HK1: variants seen among roughly 807,000 people sequenced by gnomAD.
HK1 encodes hexokinase-1.
HK1 carries 28 observed loss-of-function variants against 91.6 expected under a neutral mutation model. The observed-to-expected ratio is 0.31, with a 90% CI of 0.23 to 0.42. The LOEUF is 0.42. Among genes scored for constraint, HK1 ranks in the 10% least tolerant of loss-of-function variants. The pLI is 1.00. For synonymous variants in HK1, 430 were observed against 468.1 expected (o/e 0.92, Z 1.05); for missense variants, 770 against 1,219.8 (o/e 0.63, Z 5.49).
At chr10:69,348,358 C>A (rs1263960489) in intron 2 of HK1, among the ~76,000 whole-genome samples, 1 of 152,216 alleles carries the variant, frequency 6.6e-6, no homozygotes, top group Non-Finnish European at 1.5e-5. Flanking sequence ...TCTCTTCTTG[C>A]AGCATTTGGG....
At chr10:69,283,798 C>CAAAAAAAAAAAAAAAA (rs571297748) in intron 2 of HK1, among the ~76,000 whole-genome samples, 25 of 67,398 alleles carry the variant, frequency 3.7e-4, no homozygotes, top group Non-Finnish European at 5.3e-4. Flanking sequence ...GACTCTGTCT[C>CAAAAAAAAAAAAAAAA]AAAAAAAAAA....
chr10:69,329,456 CG>C (rs1475269776), intron 1 of HK1, among the ~76,000 whole-genome samples: 8 of 152,114 alleles, frequency 5.3e-5, no homozygotes, highest in Non-Finnish European at 1.0e-4. Context: ...CCACCGCGCC[CG>C]GCCAGACATG....
chr10:69,296,583 T>A (rs1406502614), intron 4 of HK1, among the ~76,000 whole-genome samples: 1 of 151,690 alleles, frequency 6.6e-6, no homozygotes, highest in Non-Finnish European at 1.5e-5. Flanking sequence ...GGTGAGGGAG[T>A]GGTCAACCCC....
At chr10:69,288,856 G>C (rs947239517) in intron 3 of HK1, 2 of 1,136,396 alleles carry the variant, frequency 1.8e-6, no homozygotes, top group Non-Finnish European at 2.6e-6. Flanking sequence ...GCGCGATCTC[G>C]GCTCACTATA....
At chr10:69,303,920 G>C (rs1305752075) in intron 5 of HK1, among the ~76,000 whole-genome samples, 1 of 152,190 alleles carries the variant, frequency 6.6e-6, no homozygotes, top group African/African-American at 2.4e-5. Flanking sequence ...CTGATTGGTT[G>C]GGTCAGAGAT....
At position 69,380,146 on chromosome 10, in the gene HK1, G is replaced by A. The variant is rs1466210032; in HGVS notation, c.1265+51G>A. The A allele has an allele frequency of 6.9e-7, 1 of 1,447,106 alleles. No homozygotes were observed. The highest frequency in any genetic ancestry group is 9.7e-7 in the Non-Finnish European group (1 of 1,028,688). 89.6% of individuals were successfully genotyped at this position (1,447,106 alleles called of 1,614,324 possible). A position where few individuals can be genotyped will look rare whatever the true frequency, so the allele number is the denominator to read the frequency against. On this transcript the variant is annotated intron_variant, in intron 9 of 17. Transcript: ENST00000359426. This position sits in a 1 kb window ranked among gnomAD's most constrained non-coding sequence, Gnocchi z 4.0. ...GCACTCTGTACCCATTGTGGGTAGG[G>A]ACCTTCTCCAGAGATCAGACTTTTG...
At chr10:69,373,310 TG>T (rs1850114253) in intron 7 of HK1, among the ~76,000 whole-genome samples, 1 of 152,220 alleles carries the variant, frequency 6.6e-6, no homozygotes, top group African/African-American at 2.4e-5. Flanking sequence ...CTGTATACAG[TG>T]GACAGGGAGG....
intron 2 of HK1, among the ~76,000 whole-genome samples, chr10:69,353,618 CAAA>C (rs71471542): frequency 0.46 from 53,177 of 116,668 alleles, 10,237 homozygotes; most frequent in South Asian, 0.55. Context: ...CAAACAAAAC[CAAA>C]AAAAAAAAAA....
In HK1 at chr10:69,362,029, C is replaced by T. The variant is rs1266162442; in HGVS notation, c.375+1984C>T. ...ATGGGGTTTCTCCATGTTGGTCAGG[C>T]TGGTCTGGAACTGCCTGTTCAGGTG... On this transcript the variant is annotated intron_variant, in intron 3 of 17. Coordinates refer to ENST00000359426, the MANE Select transcript of HK1 (RefSeq NM_000188.3). 2.6e-5 allele frequency among the ~76,000 whole-genome samples: 4 copies of T among 152,174 alleles called. No individual in the cohort carries two copies. In the South Asian group the frequency reaches 8.3e-4, roughly 32 times the overall value.
chr10:69,395,012 TC>T lies in HK1; in HGVS notation c.2283del (p.Phe761LeufsTer16). 6.2e-7 allele frequency: 1 copy of T among 1,613,986 alleles called. No homozygotes were observed. The highest frequency in any genetic ancestry group is 8.5e-7 in the Non-Finnish European group (1 of 1,179,962). Reference protein sequence around the residue: ...GEIVRNILIDFTKKGFLFRGQ... With the variant: ...GEIVRNILIDXTKKGFLFRGQ... Reference sequence around the variant, plus strand: ...ATCGTCCGCAACATCTTAATCGACTTCACCAAGAAGGGATTCCTCTTCCGAG... The same window carrying T: ...ATCGTCCGCAACATCTTAATCGACTTACCAAGAAGGGATTCCTCTTCCGAG... On this transcript the variant is annotated frameshift_variant, in exon 16 of 18. Transcript: ENST00000359426. LOFTEE classifies it high-confidence loss of function.
rs1245637383 is a variant in HK1 at position 69,322,830 on chromosome 10, C to T, written c.63+3820C>T. On this transcript the variant is annotated intron_variant, in intron 1 of 17. Coordinates refer to ENST00000359426, the MANE Select transcript of HK1 (RefSeq NM_000188.3). ...ACTTGAACCTGGAAGGCAGAGGTTGCGGTGAGCCGAGATCACGCCATTGCA... is the reference window on the plus strand; with the variant it reads ...ACTTGAACCTGGAAGGCAGAGGTTGTGGTGAGCCGAGATCACGCCATTGCA... Among the ~76,000 whole-genome samples, 17 of 149,910 alleles carry T rather than the reference C, an allele frequency of 1.1e-4. No individual in the cohort carries two copies. The East Asian group carries it at 2.0e-3, about 17-fold the overall frequency.
intron 1 of HK1, chr10:69,338,293 G>C: frequency 8.5e-7 from 1 of 1,179,154 alleles, no homozygotes. Context: ...CCTGGAGGCT[G>C]GATGCGGGTT....
chr10:69,296,595 T>C (rs1411435267), intron 4 of HK1, among the ~76,000 whole-genome samples: 1 of 152,094 alleles, frequency 6.6e-6, no homozygotes, highest in Admixed American at 6.6e-5. Context: ...GTCAACCCCG[T>C]CTTGGGTCCA....
At chr10:69,327,164 T>A (rs1027692944) in intron 1 of HK1, among the ~76,000 whole-genome samples, 1 of 152,012 alleles carries the variant, frequency 6.6e-6, no homozygotes. Context: ...AATTTTTTTG[T>A]ATTTTTAGTA....
At chr10:69,312,496 C>T (rs1303845351), upstream of HK1, among the ~76,000 whole-genome samples, 1 of 151,910 alleles carries the variant, frequency 6.6e-6, no homozygotes, top group African/African-American at 2.4e-5. Context: ...GCCTCGGCCT[C>T]CCAAAGTGCT....
At chr10:69,317,175 G>A (rs894915152), upstream of HK1, among the ~76,000 whole-genome samples, 1 of 152,168 alleles carries the variant, frequency 6.6e-6, no homozygotes, top group African/African-American at 2.4e-5. Context: ...AGCTTTAACC[G>A]CATTAACTTT....
At chr10:69,285,818 G>A (rs1845002964) in intron 2 of HK1, among the ~76,000 whole-genome samples, 1 of 152,148 alleles carries the variant, frequency 6.6e-6, no homozygotes, top group African/African-American at 2.4e-5. Context: ...ATGACCTCTA[G>A]ACCAAACACT....
chr10:69,343,076 GC>G (rs1848372687), intron 1 of HK1, among the ~76,000 whole-genome samples: 1 of 152,148 alleles, frequency 6.6e-6, no homozygotes, highest in Non-Finnish European at 1.5e-5. Flanking sequence ...CACAGGCCCG[GC>G]ACATGGGTAT....
intron 17 of HK1, 60 bp from the exon 18 acceptor site, chr10:69,400,931 G>C: frequency 6.3e-7 from 1 of 1,591,638 alleles, no homozygotes; most frequent in African/African-American, 1.3e-5. Flanking sequence ...TGGTGTTTTC[G>C]GGTAGGCCCA....
Sources: gnomAD v4.1 joint callset for allele counts (sites outside exome capture counted in the v4.1 genomes callset) on GRCh38, gnomAD v4.1.1 for gene constraint, Gnocchi (gnomAD v3.1) non-coding constraint, MANE v1.5 for transcripts, NCBI Gene and HGNC (gene_info 2026-07-23, HGNC 2026-07-21) for gene names.